The following TMC2 variants were observed in gnomAD, a reference collection of about 807,000 sequenced individuals.
TMC2 encodes transmembrane channel like 2.
In TMC2, 102 loss-of-function variants were observed where a neutral mutation model predicts 105.9. The ratio of observed to expected loss-of-function variants is 0.96; its 90% confidence interval spans 0.82 to 1.14. TMC2 has a LOEUF of 1.14. Ranked by LOEUF, TMC2 falls within the 50% of genes most tolerant of loss-of-function variation. The pLI, the probability that TMC2 is intolerant of heterozygous loss-of-function variation, is 0.00. For synonymous variants in TMC2, 402 were observed against 422.8 expected (o/e 0.95, Z 0.60); for missense variants, 1,093 against 1,134.3 (o/e 0.96, Z 0.52).
intron 9 of TMC2, among the ~76,000 whole-genome samples, chr20:2,596,266 C>T (rs2086305777): frequency 6.6e-6 from 1 of 152,112 alleles, no homozygotes; most frequent in African/African-American, 2.4e-5. Context: ...TTCAGCCAAA[C>T]TTGATTAAGA....
chr20:2,615,930 G>A (rs1011422859), intron 14 of TMC2, among the ~76,000 whole-genome samples: 3 of 152,158 alleles, frequency 2.0e-5, no homozygotes, highest in Admixed American at 1.3e-4. Context: ...TTTCAGCTTT[G>A]AGAATGTCAA....
rs2146280448 is a variant in TMC2 at position 2,643,384 on chromosome 20, T to C, written c.*2033T>C. On this transcript the variant is annotated 3_prime_UTR_variant, in exon 20 of 20. Coordinates refer to ENST00000358864, the MANE Select transcript of TMC2 (RefSeq NM_080751.3). ...GGGAACACTCTGCCTGCCTGAGCCA[T>C]TGGTCCCCTAGTGATTACTGTCAGG... Among the ~76,000 whole-genome samples, 1 of 152,292 alleles carries C rather than the reference T, an allele frequency of 6.6e-6. No homozygotes were observed. The highest frequency in any genetic ancestry group is 3.4e-3 in the Middle Eastern group (1 of 294).
intron 14 of TMC2, 93 bp downstream of exon 14, chr20:2,613,415 C>T (rs1356943542): frequency 6.4e-7 from 1 of 1,555,970 alleles, no homozygotes; most frequent in Non-Finnish European, 8.9e-7. Flanking sequence ...CATTTCATTT[C>T]TTTGGAAGCT....
chr20:2,584,172 C>T (rs1348912234), intron 7 of TMC2, among the ~76,000 whole-genome samples: 11 of 152,000 alleles, frequency 7.2e-5, no homozygotes, highest in African/African-American at 1.5e-4. Flanking sequence ...AGGCCGGGCG[C>T]GGTGGCTCAC....
intron 7 of TMC2, 139 bp downstream of exon 7, chr20:2,580,195 GT>G (rs756722402): frequency 2.2e-4 from 107 of 485,442 alleles, no homozygotes; most frequent in Non-Finnish European, 3.4e-4. Flanking sequence ...AAAAGTAATT[GT>G]TTTGCATTAA....
At chr20:2,541,335 T>A (rs114982421) in intron 2 of TMC2, among the ~76,000 whole-genome samples, 224 of 152,280 alleles carry the variant, frequency 1.5e-3, no homozygotes, top group African/African-American at 5.2e-3. Flanking sequence ...ACAGGTGGAA[T>A]TAACAGATCA....
At chr20:2,600,986 GAAAAAAAAAAAA>G (rs55710696) in intron 10 of TMC2, among the ~76,000 whole-genome samples, 1 of 90,560 alleles carries the variant, frequency 1.1e-5, no homozygotes, top group Non-Finnish European at 2.2e-5. Flanking sequence ...GACTGTCTCA[GAAAAAAAAAAAA>G]AAAAAAAGAA....
intron 11 of TMC2, among the ~76,000 whole-genome samples, chr20:2,606,715 C>G (rs2146230025): frequency 6.6e-6 from 1 of 151,700 alleles, no homozygotes; most frequent in African/African-American, 2.4e-5. Context: ...TTCTTTGTCT[C>G]TCTTCAATAT....
chr20:2,607,633 C>T (rs536769937), intron 11 of TMC2, among the ~76,000 whole-genome samples: 3 of 152,154 alleles, frequency 2.0e-5, no homozygotes, highest in Admixed American at 1.3e-4. Context: ...CATTGGATAC[C>T]CCACTGTTTC....
rs538099855 is a variant in TMC2 at position 2,637,325 on chromosome 20, T to C, written c.2386-149T>C. 19 of 536,644 alleles carry C rather than the reference T, an allele frequency of 3.5e-5. No individual in the cohort carries two copies. In the Admixed American group the frequency reaches 5.6e-4, roughly 16 times the overall value. The allele number at this position is 536,644 out of a possible 1,614,324, so 33.2% of individuals were successfully genotyped here. A position where few individuals can be genotyped will look rare whatever the true frequency, so the allele number is the denominator to read the frequency against. On this transcript the variant is annotated intron_variant, in intron 18 of 19. Coordinates refer to ENST00000358864, the MANE Select transcript of TMC2 (RefSeq NM_080751.3). ...ATCGCTTGAACCCAGGAGGCAGAGA[T>C]TGCAGTGAGCCGAGTTCACGCCGCT... is the stretch of plus-strand genomic sequence containing the variant.
rs761507895 is a variant in TMC2, at chr20:2,610,613, A to AC, written c.1593+21dup. 1 of 1,473,246 alleles carries AC rather than the reference A, an allele frequency of 6.8e-7. No homozygotes were observed. The highest frequency in any genetic ancestry group is 1.4e-5 in the African/African-American group (1 of 69,800). 91.3% of individuals were successfully genotyped at this position (1,473,246 alleles called of 1,614,324 possible). ...TCCACCTCAAGGTAAAAACCACAACACCCCCCACCCCACTGCAATTCCTGG... is the reference window on the plus strand; with the variant it reads ...TCCACCTCAAGGTAAAAACCACAACACCCCCCCACCCCACTGCAATTCCTGG... On this transcript the variant is annotated intron_variant, in intron 12 of 19. Coordinates refer to ENST00000358864, the MANE Select transcript of TMC2 (RefSeq NM_080751.3).
intron 10 of TMC2, among the ~76,000 whole-genome samples, chr20:2,601,392 C>T (rs1286153207): frequency 1.3e-5 from 2 of 152,180 alleles, no homozygotes; most frequent in Admixed American, 6.5e-5. Context: ...TGCCAACCCT[C>T]GATTAGAAGA....
At chr20:2,573,839 C>T (rs560300186) in intron 5 of TMC2, among the ~76,000 whole-genome samples, 4 of 152,212 alleles carry the variant, frequency 2.6e-5, no homozygotes, top group East Asian at 1.9e-4. Context: ...GGATTACAGG[C>T]GTGAGCCACC....
chr20:2,596,306 C>T (rs560564641), intron 9 of TMC2, among the ~76,000 whole-genome samples: 25 of 152,160 alleles, frequency 1.6e-4, no homozygotes, highest in African/African-American at 5.3e-4. Context: ...TGTATTAGGA[C>T]GGTGCAAAAG....
intron 7 of TMC2, among the ~76,000 whole-genome samples, chr20:2,591,265 T>A (rs1019793302): frequency 1.3e-5 from 2 of 152,186 alleles, no homozygotes; most frequent in Non-Finnish European, 1.5e-5. Context: ...GGGAAATACC[T>A]TATGACGTAG....
At chr20:2,629,983 C>T (rs2086591852) in intron 17 of TMC2, among the ~76,000 whole-genome samples, 1 of 152,162 alleles carries the variant, frequency 6.6e-6, no homozygotes, top group Non-Finnish European at 1.5e-5. Context: ...TATTGCCTGG[C>T]CCTCTGCAGA....
At chr20:2,595,055 G>T in intron 9 of TMC2, 88 bp downstream of exon 9, 1 of 1,439,424 alleles carries the variant, frequency 6.9e-7, no homozygotes, top group Non-Finnish European at 9.5e-7. Flanking sequence ...CCTTCTGGTG[G>T]GGCATTCAGA....
At chr20:2,549,071 G>C (rs2085941618) in intron 2 of TMC2, among the ~76,000 whole-genome samples, 1 of 151,946 alleles carries the variant, frequency 6.6e-6, no homozygotes, top group Admixed American at 6.6e-5. Flanking sequence ...GTGTTTTTTG[G>C]TTTTTTGGTT....
intron 17 of TMC2, among the ~76,000 whole-genome samples, chr20:2,626,322 A>G (rs2086564032): frequency 6.6e-6 from 1 of 152,176 alleles, no homozygotes; most frequent in Admixed American, 6.5e-5. Flanking sequence ...TGGAGGCTGG[A>G]GGGCCCACTT....
Sources: gnomAD v4.1 joint callset for allele counts (sites outside exome capture counted in the v4.1 genomes callset) on GRCh38, gnomAD v4.1.1 for gene constraint, MANE v1.5 for transcripts, NCBI Gene and HGNC (gene_info 2026-07-23, HGNC 2026-07-21) for gene names.